Variants in PIBF1 observed in about 807,000 individuals in gnomAD.
PIBF1 encodes the protein progesterone-induced-blocking factor 1.
A neutral mutation model predicts 112.5 loss-of-function variants in PIBF1; 90 were observed. The ratio of observed to expected loss-of-function variants is 0.80; its 90% CI spans 0.67 to 0.95. PIBF1 has a LOEUF of 0.95. PIBF1 is among the 40% of genes least tolerant of loss of function. The pLI, the probability that PIBF1 is intolerant of heterozygous loss-of-function variation, is 0.00. For synonymous variants in PIBF1, 301 were observed against 288.6 expected (o/e 1.04, Z -0.44); for missense variants, 915 against 852.3 (o/e 1.07, Z -0.92).
rs958251391 is a variant in PIBF1 at position 72,916,080 on chromosome 13, G to T, written c.1640-996G>T. Among the ~76,000 whole-genome samples the T allele has an allele frequency of 2.4e-4, 36 of 151,456 alleles. 1 individual carries two copies. Among genetic ancestry groups the T allele is most frequent in the East Asian group, 1.7e-3 (9 of 5,168 alleles). ...AAATACTTTTTTTGGTGTTTTGGGG[G>T]TTTTTTTTGATGATGAAATGTTTTT... On this transcript the variant is annotated intron_variant, in intron 12 of 17. Coordinates refer to ENST00000326291, the MANE Select transcript of PIBF1 (RefSeq NM_006346.4).
chr13:72,920,656 A>G (rs755770673), intron 13 of PIBF1, among the ~76,000 whole-genome samples: 1 of 152,162 alleles, frequency 6.6e-6, no homozygotes, highest in Non-Finnish European at 1.5e-5. Flanking sequence ...ACGCACTGGC[A>G]TGTACCTGTA....
intron 17 of PIBF1, among the ~76,000 whole-genome samples, chr13:73,009,005 GTA>G (rs1478534258): frequency 3.9e-5 from 6 of 152,202 alleles, no homozygotes; most frequent in African/African-American, 1.2e-4. Context: ...TTCAGGACAA[GTA>G]TGTGGCCCTA....
chr13:72,944,270 A>T (rs2042088782), intron 14 of PIBF1, among the ~76,000 whole-genome samples: 1 of 152,006 alleles, frequency 6.6e-6, no homozygotes, highest in Admixed American at 6.6e-5. Flanking sequence ...AACATGGTGA[A>T]ACCCTGTCTC....
chr13:72,976,944 C>T (rs1418985761), intron 16 of PIBF1, among the ~76,000 whole-genome samples: 3 of 152,114 alleles, frequency 2.0e-5, no homozygotes, highest in Non-Finnish European at 4.4e-5. Flanking sequence ...AAGGAGGTGC[C>T]TACTCTCAGA....
chr13:72,915,893 T>C (rs565901287), intron 12 of PIBF1, among the ~76,000 whole-genome samples: 49 of 152,302 alleles, frequency 3.2e-4, no homozygotes, highest in African/African-American at 1.2e-3. Flanking sequence ...TGAAACATCA[T>C]GATGGTTGTA....
intron 13 of PIBF1, among the ~76,000 whole-genome samples, chr13:72,929,734 A>T (rs2041643602): frequency 6.6e-6 from 1 of 152,150 alleles, no homozygotes; most frequent in African/African-American, 2.4e-5. Flanking sequence ...CTCTAATGCC[A>T]GTTGAAAGAA....
intron 16 of PIBF1, among the ~76,000 whole-genome samples, chr13:72,975,180 T>C (rs146093617): frequency 5.5e-4 from 83 of 151,796 alleles, no homozygotes; most frequent in African/African-American, 1.9e-3. Context: ...CTTAACCTCC[T>C]GAGTACCCGG....
chr13:72,834,089 A>G (rs949784140), intron 8 of PIBF1, among the ~76,000 whole-genome samples: 8 of 152,146 alleles, frequency 5.3e-5, no homozygotes, highest in African/African-American at 1.9e-4. Flanking sequence ...TTTTTTAAAG[A>G]AAGTATGAAA....
chr13:72,942,161 T>A (rs2042030286), intron 14 of PIBF1, among the ~76,000 whole-genome samples: 1 of 149,626 alleles, frequency 6.7e-6, no homozygotes, highest in South Asian at 2.2e-4. Context: ...GGACCACACC[T>A]CAACATTATA....
chr13:72,987,183 G>T (rs575621511), intron 16 of PIBF1, among the ~76,000 whole-genome samples: 1 of 152,220 alleles, frequency 6.6e-6, no homozygotes, highest in South Asian at 2.1e-4. Context: ...CTTAGTGAAA[G>T]ATAAGAAATT....
At chr13:72,978,815 A>AAG (rs1307885201) in intron 16 of PIBF1, among the ~76,000 whole-genome samples, 1 of 152,226 alleles carries the variant, frequency 6.6e-6, no homozygotes, top group Non-Finnish European at 1.5e-5. Context: ...GTAAAAGGAA[A>AAG]AGATAAACTG....
At chr13:72,878,773 A>G (rs902453141) in intron 10 of PIBF1, among the ~76,000 whole-genome samples, 64 of 152,114 alleles carry the variant, frequency 4.2e-4, no homozygotes, top group African/African-American at 1.4e-3. Context: ...TTGCAGTTCT[A>G]TCGTGTATTT....
At chr13:72,849,177 A>G (rs961717839) in intron 9 of PIBF1, among the ~76,000 whole-genome samples, 7 of 152,232 alleles carry the variant, frequency 4.6e-5, no homozygotes, top group Non-Finnish European at 8.8e-5. Flanking sequence ...TAGAATTGCT[A>G]GGAAACAACA....
intron 11 of PIBF1, among the ~76,000 whole-genome samples, chr13:72,896,469 A>G (rs1048432231): frequency 2.6e-5 from 4 of 152,166 alleles, no homozygotes; most frequent in Non-Finnish European, 5.9e-5. Context: ...ATTTACCTGA[A>G]AAAGAATTTA....
intron 17 of PIBF1, among the ~76,000 whole-genome samples, chr13:73,013,515 G>C (rs1185131466): frequency 6.6e-6 from 1 of 151,360 alleles, no homozygotes; most frequent in Non-Finnish European, 1.5e-5. Context: ...TCAAACTACA[G>C]AAAATTGAGA....
intron 13 of PIBF1, among the ~76,000 whole-genome samples, chr13:72,927,064 CT>C (rs555171205): frequency 0.011 from 1,542 of 141,664 alleles, 6 homozygotes; most frequent in Middle Eastern, 0.019. Flanking sequence ...TAGTAATTTC[CT>C]TTTTTTTTTT....
Position 72,802,176 on chromosome 13 carries a change from A to G in PIBF1, c.672+4150A>G, listed in dbSNP as rs180777831. On this transcript the variant is annotated intron_variant, in intron 5 of 17. Transcript: ENST00000326291. ...ACACATGGATTTTTTTTTTGACTGT[A>G]TGGGAGTTGGTACCCCAACCCCTGT... Among the ~76,000 whole-genome samples, 149 of 152,096 alleles carry G rather than the reference A, an allele frequency of 9.8e-4. 1 individual carries two copies. Among genetic ancestry groups the G allele is most frequent in the African/African-American group, 3.2e-3 (133 of 41,512 alleles).
rs549300491 is a variant in PIBF1, at chr13:72,792,225, G to A, written c.253-222G>A. Among the ~76,000 whole-genome samples, 13 of 152,242 alleles carry A rather than the reference G, an allele frequency of 8.5e-5. No homozygotes were observed. In the East Asian group the frequency reaches 2.5e-3, roughly 30 times the overall value. ...GCAGTAGAATCACTTGAACCTGGCA[G>A]GAGGAGGTGGCAGTGAGCCAAGGTT... On this transcript the variant is annotated intron_variant, in intron 2 of 17. Transcript: ENST00000326291.
At chr13:72,934,616 T>C (rs1713428670) in intron 14 of PIBF1, among the ~76,000 whole-genome samples, 1 of 152,198 alleles carries the variant, frequency 6.6e-6, no homozygotes, top group African/African-American at 2.4e-5. Context: ...AGAATTACCA[T>C]TGAGTTAAAC....
Sources: allele counts gnomAD v4.1 joint callset (sites outside exome capture counted in the v4.1 genomes callset), GRCh38; gene constraint gnomAD v4.1.1; transcripts MANE v1.5; gene names NCBI Gene and HGNC (gene_info 2026-07-23, HGNC 2026-07-21).